CNTNAP2: variants seen among roughly 807,000 people sequenced by gnomAD.
The protein encoded by CNTNAP2 is contactin associated protein 2, also known as contactin-associated protein-like 2.
Under a neutral mutation model 155.2 loss-of-function variants are expected in CNTNAP2, and 98 were observed. That is an observed-to-expected ratio of 0.63 (90% CI 0.54 to 0.75). The LOEUF (loss-of-function observed/expected upper bound fraction) is 0.75, where lower values mean the gene tolerates loss of function less well. CNTNAP2 is among the 30% of genes least tolerant of loss of function. The probability of loss-of-function intolerance (pLI) is 0.00; values close to 1 mark genes in which losing one functional copy is unlikely to be tolerated. For synonymous variants in CNTNAP2, 651 were observed against 631.2 expected (o/e 1.03, Z -0.47); for missense variants, 1,727 against 1,688.1 (o/e 1.02, Z -0.40).
chr7:148,203,576 C>A (rs903625601), intron 18 of CNTNAP2, among the ~76,000 whole-genome samples: 1 of 152,086 alleles, frequency 6.6e-6, no homozygotes, highest in Admixed American at 6.6e-5. Flanking sequence ...GAAATTCTGT[C>A]TCTACTAAAA....
At chr7:146,236,332 A>G (rs1799472631) in intron 1 of CNTNAP2, among the ~76,000 whole-genome samples, 1 of 152,166 alleles carries the variant, frequency 6.6e-6, no homozygotes, top group Non-Finnish European at 1.5e-5. Context: ...ACAGTGGAAA[A>G]TGTGAGTGGG....
At chr7:146,397,428 G>A (rs977996493) in intron 1 of CNTNAP2, among the ~76,000 whole-genome samples, 1 of 152,044 alleles carries the variant, frequency 6.6e-6, no homozygotes, top group South Asian at 2.1e-4. Flanking sequence ...TCATTCAAAG[G>A]GTTATTTGTT....
rs753486205 is a variant in CNTNAP2 at position 146,774,276 on chromosome 7, T to C, written c.103T>C (p.Cys35Arg). The C allele has an allele frequency of 7.4e-6, 12 of 1,613,138 alleles. No individual in the cohort carries two copies. Among genetic ancestry groups the C allele is most frequent in the South Asian group, 4.4e-5 (4 of 90,988 alleles). Residue 35 changes from cysteine (C) to arginine (R), a missense_variant, in exon 2 of 24, where the codon TGT (cysteine) becomes CGT (arginine). By Grantham distance (180) the Cys-to-Arg change is radical. Coordinates refer to ENST00000361727, the MANE Select transcript of CNTNAP2 (RefSeq NM_014141.6). ...TCTCTGTCTTTTGTTTTCAGAAAAA[T>C]GTGATGAGCCACTTGTCTCTGGACT... ...AWTAPSTSQK[C>R]DEPLVSGLPH...
At chr7:147,385,454 C>T (rs1796608565) in intron 9 of CNTNAP2, among the ~76,000 whole-genome samples, 1 of 152,194 alleles carries the variant, frequency 6.6e-6, no homozygotes, top group Non-Finnish European at 1.5e-5. Flanking sequence ...ACTTCCTAGA[C>T]ACAATGGGCG....
chr7:148,030,572 T>C (rs1264044291), intron 15 of CNTNAP2, among the ~76,000 whole-genome samples: 2 of 152,008 alleles, frequency 1.3e-5, no homozygotes, highest in African/African-American at 2.4e-5. Context: ...TTTTTAAAAA[T>C]ATATATATTC....
chr7:147,328,464 G>T (rs777183019), intron 9 of CNTNAP2, among the ~76,000 whole-genome samples: 1 of 152,262 alleles, frequency 6.6e-6, no homozygotes, highest in East Asian at 1.9e-4. Flanking sequence ...CACAATGGAC[G>T]GTTCCTCAGC....
intron 1 of CNTNAP2, among the ~76,000 whole-genome samples, chr7:146,570,875 G>C (rs1798430832): frequency 1.3e-5 from 2 of 151,902 alleles, no homozygotes; most frequent in African/African-American, 2.4e-5. Flanking sequence ...GAAACACTTA[G>C]GTAATAAATG....
intron 21 of CNTNAP2, among the ~76,000 whole-genome samples, chr7:148,285,685 T>G (rs1012591494): frequency 3.9e-5 from 6 of 152,252 alleles, no homozygotes; most frequent in Admixed American, 6.5e-5. Flanking sequence ...TGCCAAGTCA[T>G]ATAGCTAGTA....
intron 1 of CNTNAP2, among the ~76,000 whole-genome samples, chr7:146,522,713 T>C (rs376888347): frequency 8.6e-5 from 13 of 151,336 alleles, no homozygotes; most frequent in African/African-American, 2.7e-4. Flanking sequence ...AATCTGACTT[T>C]GTGCTAGCAA....
chr7:148,018,979 A>G (rs1317115564), intron 15 of CNTNAP2, among the ~76,000 whole-genome samples: 1 of 152,232 alleles, frequency 6.6e-6, no homozygotes, highest in East Asian at 1.9e-4. Context: ...GAGTTGTGTG[A>G]AATCACTATG....
At chr7:148,096,850 C>T (rs1803982059) in intron 15 of CNTNAP2, among the ~76,000 whole-genome samples, 1 of 152,288 alleles carries the variant, frequency 6.6e-6, no homozygotes, top group Non-Finnish European at 1.5e-5. Context: ...AGATCAAGAT[C>T]TTAATATCCC....
intron 3 of CNTNAP2, among the ~76,000 whole-genome samples, chr7:146,989,813 T>A (rs1286569878): frequency 6.6e-6 from 1 of 152,124 alleles, no homozygotes; most frequent in East Asian, 1.9e-4. Context: ...CAGAATAAAA[T>A]GCATTTCTTA....
At chr7:146,626,844 C>T (rs1190914576) in intron 1 of CNTNAP2, among the ~76,000 whole-genome samples, 2 of 152,108 alleles carry the variant, frequency 1.3e-5, no homozygotes, top group East Asian at 3.9e-4. Flanking sequence ...TGAATAACAA[C>T]ATGCTAGTTA....
Position 148,118,179 on chromosome 7 carries a change from C to T in CNTNAP2, c.2445C>T (p.Phe815=), listed in dbSNP as rs1235859729. The change falls in exon 16 of 24, where the codon TTC becomes TTT. Residue 815 remains phenylalanine, a synonymous_variant. Coordinates refer to ENST00000361727, the MANE Select transcript of CNTNAP2 (RefSeq NM_014141.6). ...CCTCCTACCTGCACTTCTCTACTTTCCAAGGGGAAACTAGCGCTGACATTT... is the reference window on the plus strand; with the variant it reads ...CCTCCTACCTGCACTTCTCTACTTTTCAAGGGGAAACTAGCGCTGACATTT... ...NPSSYLHFST[F]QGETSADISF... 1 of 1,614,178 alleles carries T rather than the reference C, an allele frequency of 6.2e-7. No homozygotes were observed. The highest frequency in any genetic ancestry group is 2.2e-5 in the East Asian group (1 of 44,884).
intron 9 of CNTNAP2, among the ~76,000 whole-genome samples, chr7:147,380,260 GA>G (rs200364174): frequency 1.1e-4 from 16 of 149,450 alleles, no homozygotes; most frequent in East Asian, 2.0e-4. Context: ...TTATAATCTT[GA>G]AAAAAAAACC....
chr7:147,384,087 A>T lies in CNTNAP2; in HGVS notation c.1499-11522A>T, dbSNP rs1020829032. On this transcript the variant is annotated intron_variant, in intron 9 of 23. Transcript: ENST00000361727. The stretch of plus-strand genomic sequence containing the variant: ...GGATAACTCAGCCATGAAAAGTACA[A>T]GTGAGAAAAATAGGAAGAAAGGGTT... Among the ~76,000 whole-genome samples the T allele has an allele frequency of 2.2e-4, 33 of 152,182 alleles. 1 individual carries two copies. Among genetic ancestry groups the T allele is most frequent in the Admixed American group, 2.2e-3 (33 of 15,272 alleles).
intron 12 of CNTNAP2, among the ~76,000 whole-genome samples, chr7:147,573,936 T>C (rs1407593417): frequency 6.6e-6 from 1 of 152,156 alleles, no homozygotes; most frequent in Non-Finnish European, 1.5e-5. Flanking sequence ...GTTAGAAGAA[T>C]CTTGTTTTTG....
Position 147,540,538 on chromosome 7 carries a change from G to A in CNTNAP2, c.1778-21600G>A, listed in dbSNP as rs148016042. ...GAAGAGCAATTAGAATTTGCACAAT[G>A]CAACATGACATCTCCAGTAACAATA... On this transcript the variant is annotated intron_variant, in intron 11 of 23. Coordinates refer to ENST00000361727, the MANE Select transcript of CNTNAP2 (RefSeq NM_014141.6). Among the ~76,000 whole-genome samples the A allele has an allele frequency of 1.4e-4, 22 of 152,256 alleles. 1 individual carries two copies. In the East Asian group the frequency reaches 3.9e-3, roughly 27 times the overall value.
intron 9 of CNTNAP2, among the ~76,000 whole-genome samples, chr7:147,386,945 G>T (rs1403163610): frequency 6.6e-6 from 1 of 152,190 alleles, no homozygotes; most frequent in Non-Finnish European, 1.5e-5. Context: ...TCACAATCAT[G>T]GTGGAAGGCA....
Sources: gnomAD v4.1 joint callset for allele counts (sites outside exome capture counted in the v4.1 genomes callset) on GRCh38, gnomAD v4.1.1 for gene constraint, MANE v1.5 for transcripts, NCBI Gene and HGNC (gene_info 2026-07-23, HGNC 2026-07-21) for gene names.